Variants in CACNA2D2 observed in about 807,000 individuals in gnomAD.
CACNA2D2 encodes calcium voltage-gated channel auxiliary subunit alpha2delta 2, also known as voltage-dependent calcium channel subunit alpha-2/delta-2.
In CACNA2D2, 48 loss-of-function variants were observed where a neutral mutation model predicts 166.4. That is an observed-to-expected ratio of 0.29 (90% CI 0.23 to 0.37). CACNA2D2 has a LOEUF of 0.37. Among genes scored for constraint, CACNA2D2 ranks in the 10% least tolerant of loss-of-function variants. The pLI is 1.00. For missense variants in CACNA2D2, 1,122 were observed against 1,433.0 expected (o/e 0.78, Z 3.50); for synonymous variants, 561 against 573.7 (o/e 0.98, Z 0.32).
In CACNA2D2 at chr3:50,364,611, G is replaced by C. The variant is rs1358946116; in HGVS notation, c.*55C>G. 3.4e-6 allele frequency: 5 copies of C among 1,457,436 alleles called. No homozygotes were observed. Among genetic ancestry groups the C allele is most frequent in the Non-Finnish European group, 4.5e-6 (5 of 1,105,672 alleles). 90.3% of individuals were successfully genotyped at this position (1,457,436 alleles called of 1,614,324 possible). A position where few individuals can be genotyped will look rare whatever the true frequency, so the allele number is the denominator to read the frequency against. On this transcript the variant is annotated 3_prime_UTR_variant, in exon 38 of 38. Transcript: ENST00000424201. ...GCGGGGAGTGTGGGGCAGGAGGGTG[G>C]GAAAGGCGAAGAGGCCGGGTGAGGT...
At chr3:50,374,596 G>T in intron 22 of CACNA2D2, 141 bp downstream of exon 22, 1 of 820,788 alleles carries the variant, frequency 1.2e-6, no homozygotes, top group South Asian at 1.7e-5. Flanking sequence ...AGGTGCCCCA[G>T]CCTGCGGGCA....
chr3:50,363,083 G>A lies in CACNA2D2; in HGVS notation c.*1583C>T. On this transcript the variant is annotated 3_prime_UTR_variant, in exon 38 of 38. Transcript: ENST00000424201. ...GTTAGACAGCTACCTGATGGGGATT[G>A]TTTTGTCTGTTTTTCTGTTTTTTAA... The A allele has an allele frequency of 2.5e-6, 1 of 398,632 alleles. No individual in the cohort carries two copies. The allele number at this position is 398,632 out of a possible 1,614,324, so 24.7% of individuals were successfully genotyped here. A position where few individuals can be genotyped will look rare whatever the true frequency, so the allele number is the denominator to read the frequency against.
intron 2 of CACNA2D2, among the ~76,000 whole-genome samples, chr3:50,443,534 C>T (rs1026328986): frequency 2.0e-5 from 3 of 152,238 alleles, no homozygotes; most frequent in African/African-American, 4.8e-5. Context: ...TCCAGGCCCC[C>T]GCTGCCGCTC....
chr3:50,367,271 G>T lies in CACNA2D2; in HGVS notation c.2401+123C>A. 9.5e-7 allele frequency: 1 copy of T among 1,051,166 alleles called. No homozygotes were observed. Among genetic ancestry groups the T allele is most frequent in the Non-Finnish European group, 1.4e-6 (1 of 691,828 alleles). 65.1% of individuals were successfully genotyped at this position (1,051,166 alleles called of 1,614,324 possible). On this transcript the variant is annotated intron_variant, in intron 27 of 37. Coordinates refer to ENST00000424201, the MANE Select transcript of CACNA2D2 (RefSeq NM_006030.4). The surrounding 1 kb of genome is among the most constrained non-coding windows in gnomAD (Gnocchi z 6.5). Reference sequence around the variant, plus strand: ...ACAGTCTATCCCTCTTTTCACGTCTGCCCTGGCCTCAGCCAGCCTTGTGTT... The same window carrying T: ...ACAGTCTATCCCTCTTTTCACGTCTTCCCTGGCCTCAGCCAGCCTTGTGTT...
chr3:50,365,534 C>T lies in CACNA2D2; in HGVS notation c.2972-52G>A, dbSNP rs1327104227. 3 of 1,603,894 alleles carry T rather than the reference C, an allele frequency of 1.9e-6. No homozygotes were observed. The highest frequency in any genetic ancestry group is 2.6e-6 in the Non-Finnish European group (3 of 1,175,242). On this transcript the variant is annotated intron_variant, in intron 34 of 37. Transcript: ENST00000424201. The surrounding 1 kb of genome is among the most constrained non-coding windows in gnomAD (Gnocchi z 4.5). ...CCGCCCACAGACCCTGGCAAGGTCT[C>T]CGGCCTCCCTCAGTCGTAGACCCCA...
At chr3:50,387,986 AAAT>A (rs1705696721) in intron 4 of CACNA2D2, among the ~76,000 whole-genome samples, 1 of 152,210 alleles carries the variant, frequency 6.6e-6, no homozygotes, top group African/African-American at 2.4e-5. Flanking sequence ...GGCAGGAGGG[AAAT>A]AATGACTCGA....
intron 3 of CACNA2D2, chr3:50,416,158 T>C (rs536092172): frequency 6.6e-6 from 1 of 152,384 alleles, no homozygotes; most frequent in African/African-American, 2.4e-5. Context: ...CTGAGCCCAT[T>C]TGGGGCTTGG....
intron 1 of CACNA2D2, among the ~76,000 whole-genome samples, chr3:50,478,613 A>G (rs955632286): frequency 4.6e-5 from 7 of 152,338 alleles, no homozygotes; most frequent in Admixed American, 3.3e-4. Context: ...AGAAGCAAAC[A>G]TTATCATCCC....
intron 3 of CACNA2D2, among the ~76,000 whole-genome samples, chr3:50,431,050 T>C (rs1708039522): frequency 6.6e-6 from 1 of 152,166 alleles, no homozygotes; most frequent in East Asian, 1.9e-4. Flanking sequence ...CGTCCTGTGT[T>C]GCTCAGCTCC....
At chr3:50,383,818 T>C (rs1705447306) in intron 6 of CACNA2D2, among the ~76,000 whole-genome samples, 1 of 151,924 alleles carries the variant, frequency 6.6e-6, no homozygotes, top group Non-Finnish European at 1.5e-5. Flanking sequence ...CACTCCTACT[T>C]GGGGGCAGGG....
chr3:50,485,853 T>C (rs1320707466), intron 1 of CACNA2D2, among the ~76,000 whole-genome samples: 2 of 152,072 alleles, frequency 1.3e-5, no homozygotes, highest in Admixed American at 6.5e-5. Context: ...CGAGAGGCAC[T>C]AACAAACAAG....
intron 3 of CACNA2D2, among the ~76,000 whole-genome samples, chr3:50,431,099 A>C (rs2106878375): frequency 6.6e-6 from 1 of 152,278 alleles, no homozygotes; most frequent in South Asian, 2.1e-4. Context: ...AGCCCAGAGC[A>C]AAGGATTTAA....
At chr3:50,369,105 C>T (rs1488299048) in intron 23 of CACNA2D2, among the ~76,000 whole-genome samples, 2 of 152,222 alleles carry the variant, frequency 1.3e-5, no homozygotes, top group Non-Finnish European at 2.9e-5. Context: ...CTCTCCTTGG[C>T]CCCCAGGGCC....
chr3:50,467,108 G>C (rs532404661), intron 2 of CACNA2D2, among the ~76,000 whole-genome samples: 44 of 152,240 alleles, frequency 2.9e-4, no homozygotes, highest in Non-Finnish European at 5.0e-4. Flanking sequence ...AAGGCTCCTT[G>C]CTACCCTAGC....
chr3:50,453,383 G>A (rs984608019), intron 2 of CACNA2D2, among the ~76,000 whole-genome samples: 1 of 152,228 alleles, frequency 6.6e-6, no homozygotes, highest in Non-Finnish European at 1.5e-5. Context: ...GAATAGGACA[G>A]AGCGATTTCG....
chr3:50,425,550 C>T (rs1482687342), intron 3 of CACNA2D2, among the ~76,000 whole-genome samples: 1 of 152,188 alleles, frequency 6.6e-6, no homozygotes, highest in Non-Finnish European at 1.5e-5. Context: ...CACCTACCCT[C>T]CCCCAGCCTC....
rs754649287 is a variant in CACNA2D2, at chr3:50,367,427, G to C, written c.2368C>G (p.His790Asp). 6 of 1,613,880 alleles carry C rather than the reference G, an allele frequency of 3.7e-6. No homozygotes were observed. The Admixed American group carries it at 8.3e-5, about 22-fold the overall frequency. Residue 790 changes from histidine (H) to aspartate (D), a missense_variant, in exon 27 of 38, where the codon CAC (histidine) becomes GAC (aspartate). Transcript: ENST00000424201. The surrounding 1 kb of genome is among the most constrained non-coding windows in gnomAD (Gnocchi z 6.5). ...ASFYRRSLDN[H>D]GYVFKPPHQD... ...TGTGGGGGCTTGAAGACATAACCGT[G>C]GTTATCCAGGCTGCGGCGGTAGAAG...
chr3:50,434,247 G>C lies in CACNA2D2; in HGVS notation c.405+66C>G, dbSNP rs1708204645. On this transcript the variant is annotated intron_variant, in intron 3 of 37. Transcript: ENST00000424201. ...TGAAGGCTCAGGACACTGCCCTCAT[G>C]GTACAGGACCTCTCCACCTGGCCCT... is the stretch of plus-strand genomic sequence containing the variant. 13 of 1,099,666 alleles carry C rather than the reference G, an allele frequency of 1.2e-5. No homozygotes were observed. In the South Asian group the frequency reaches 1.3e-4, roughly 11 times the overall value. 68.1% of individuals were successfully genotyped at this position (1,099,666 alleles called of 1,614,324 possible).
Position 50,365,722 on chromosome 3 carries a change from A to C in CACNA2D2, c.2916-34T>G. On this transcript the variant is annotated intron_variant, in intron 33 of 37. Transcript: ENST00000424201. This position sits in a 1 kb window ranked among gnomAD's most constrained non-coding sequence, Gnocchi z 4.5. ...CACGGGGAGCCGAGTGCAGGTGGTC[A>C]GCAGAGGACGATGCCATGCCCTACT... 2 of 1,599,680 alleles carry C rather than the reference A, an allele frequency of 1.3e-6. No homozygotes were observed. The highest frequency in any genetic ancestry group is 1.1e-5 in the South Asian group (1 of 88,910).
Sources: allele counts gnomAD v4.1 joint callset (sites outside exome capture counted in the v4.1 genomes callset), GRCh38; gene constraint gnomAD v4.1.1; non-coding constraint Gnocchi (gnomAD v3.1); transcripts MANE v1.5; gene names NCBI Gene and HGNC (gene_info 2026-07-23, HGNC 2026-07-21).